Variants in MACROD2 observed in about 807,000 individuals in gnomAD.
MACROD2 encodes the protein mono-ADP ribosylhydrolase 2.
Under a neutral mutation model 70.4 loss-of-function variants are expected in MACROD2, and 36 were observed. The observed-to-expected ratio is 0.51, with a 90% confidence interval of 0.39 to 0.68. The LOEUF (loss-of-function observed/expected upper bound fraction) is 0.68. MACROD2 is among the 30% of genes least tolerant of loss of function. MACROD2 has a pLI of 0.00. For synonymous variants in MACROD2, 172 were observed against 178.8 expected, an observed-to-expected ratio of 0.96 and a Z score of 0.30; for missense variants, 496 against 538.4, an observed-to-expected ratio of 0.92 and a Z score of 0.78.
intron 2 of MACROD2, among the ~76,000 whole-genome samples, chr20:14,032,186 C>G (rs1173537456): frequency 6.6e-6 from 1 of 151,648 alleles, no homozygotes; most frequent in Admixed American, 6.6e-5. Flanking sequence ...TTTACTATAA[C>G]TTATTTAAAT....
At chr20:14,855,742 G>T (rs1259994327) in intron 5 of MACROD2, among the ~76,000 whole-genome samples, 1 of 150,346 alleles carries the variant, frequency 6.7e-6, no homozygotes, top group Non-Finnish European at 1.5e-5. Flanking sequence ...ACCCCTGATA[G>T]CATGAAACGA....
chr20:15,290,223 G>A (rs1477331127), intron 6 of MACROD2, among the ~76,000 whole-genome samples: 1 of 152,158 alleles, frequency 6.6e-6, no homozygotes, highest in African/African-American at 2.4e-5. Flanking sequence ...CCATGATGAT[G>A]TAATTTTCTC....
intron 5 of MACROD2, among the ~76,000 whole-genome samples, chr20:14,825,175 T>C (rs1015036922): frequency 6.6e-6 from 1 of 152,112 alleles, no homozygotes; most frequent in Non-Finnish European, 1.5e-5. Context: ...AGTCTGTTTT[T>C]TGAATTGAGA....
rs997865062 is a variant in MACROD2 at position 14,788,356 on chromosome 20, G to C, written c.418+103397G>C. Among the ~76,000 whole-genome samples, 14 of 151,856 alleles carry C rather than the reference G, an allele frequency of 9.2e-5. No homozygotes were observed. The South Asian group carries it at 2.9e-3, about 32-fold the overall frequency. Reference sequence around the variant, plus strand: ...TTCCAGCACTTTGGGAGGCCAAGGCGGGCGGATTGCTTGAGTCCAAGAGTT... The same window carrying C: ...TTCCAGCACTTTGGGAGGCCAAGGCCGGCGGATTGCTTGAGTCCAAGAGTT... On this transcript the variant is annotated intron_variant, in intron 5 of 17. Transcript: ENST00000684519.
intron 5 of MACROD2, among the ~76,000 whole-genome samples, chr20:14,994,636 G>A (rs989403548): frequency 6.6e-5 from 10 of 152,028 alleles, no homozygotes; most frequent in Non-Finnish European, 1.2e-4. Context: ...AAAAAGCAGA[G>A]TAGAGAAATA....
chr20:14,700,325 A>G (rs1355775076), intron 5 of MACROD2, among the ~76,000 whole-genome samples: 3 of 150,032 alleles, frequency 2.0e-5, no homozygotes, highest in African/African-American at 7.3e-5. Flanking sequence ...GTAGCATTAC[A>G]TTTCATGATA....
chr20:14,589,782 G>A (rs562066784), intron 4 of MACROD2, among the ~76,000 whole-genome samples: 5 of 152,262 alleles, frequency 3.3e-5, no homozygotes, highest in Admixed American at 6.5e-5. Flanking sequence ...AGAGAGAAAA[G>A]TTCTAACCCC....
intron 13 of MACROD2, among the ~76,000 whole-genome samples, chr20:15,976,009 C>A (rs1270753505): frequency 6.6e-6 from 1 of 152,040 alleles, no homozygotes; most frequent in Non-Finnish European, 1.5e-5. Context: ...TCAAGTTTAA[C>A]AAAAAGACAC....
At chr20:14,341,176 G>A (rs555091091) in intron 3 of MACROD2, among the ~76,000 whole-genome samples, 3 of 152,266 alleles carry the variant, frequency 2.0e-5, no homozygotes, top group African/African-American at 7.2e-5. Context: ...GACTCCCTGT[G>A]TAAAAGAAAC....
intron 3 of MACROD2, among the ~76,000 whole-genome samples, chr20:14,230,643 AT>A: frequency 1.5e-5 from 1 of 66,990 alleles, no homozygotes; most frequent in South Asian, 6.7e-4. Flanking sequence ...ATATATATAT[AT>A]ATATATATAT....
intron 5 of MACROD2, among the ~76,000 whole-genome samples, chr20:15,201,193 T>G (rs1859400757): frequency 1.3e-5 from 2 of 152,116 alleles, no homozygotes; most frequent in Non-Finnish European, 2.9e-5. Flanking sequence ...GTCTCTTAGG[T>G]TGTCTAGAAG....
At chr20:14,265,768 G>C (rs6042630) in intron 3 of MACROD2, among the ~76,000 whole-genome samples, 92,694 of 146,300 alleles carry the variant, frequency 0.63, 30,891 homozygotes, top group Non-Finnish European at 0.75. Flanking sequence ...CCTGTTCCCC[G>C]CCTTGTCCTT....
intron 3 of MACROD2, among the ~76,000 whole-genome samples, chr20:14,119,998 C>T (rs148216703): frequency 6.0e-4 from 91 of 152,022 alleles, no homozygotes; most frequent in Non-Finnish European, 1.1e-3. Flanking sequence ...CACTTGAAGT[C>T]GGGAGTTTAA....
At chr20:14,213,212 T>G (rs1320787593) in intron 3 of MACROD2, among the ~76,000 whole-genome samples, 2 of 151,798 alleles carry the variant, frequency 1.3e-5, no homozygotes, top group Admixed American at 6.6e-5. Context: ...TTGATATTTT[T>G]AAAACTCACT....
At chr20:15,741,944 T>C (rs2051112171) in intron 8 of MACROD2, among the ~76,000 whole-genome samples, 1 of 152,170 alleles carries the variant, frequency 6.6e-6, no homozygotes, top group Non-Finnish European at 1.5e-5. Flanking sequence ...GACTGGTTGA[T>C]TGATTTTGCC....
intron 3 of MACROD2, among the ~76,000 whole-genome samples, chr20:14,148,166 A>G (rs750383813): frequency 4.6e-5 from 7 of 152,188 alleles, no homozygotes; most frequent in Non-Finnish European, 8.8e-5. Context: ...TTTCAGTACT[A>G]CCACTGACTC....
At chr20:15,499,894 G>C (rs1165566991) in intron 8 of MACROD2, 47 bp downstream of exon 8, 1 of 1,569,878 alleles carries the variant, frequency 6.4e-7, no homozygotes, top group South Asian at 1.1e-5. Flanking sequence ...GATGTAATTT[G>C]ATGCTCAGTT....
chr20:14,367,664 G>A (rs2083284637), intron 3 of MACROD2, among the ~76,000 whole-genome samples: 1 of 152,168 alleles, frequency 6.6e-6, no homozygotes, highest in Admixed American at 6.5e-5. Context: ...TATGTTGGAT[G>A]AATTGCTTCT....
At position 15,794,044 on chromosome 20, in the gene MACROD2, A is replaced by T. The variant is rs553451224; in HGVS notation, c.646-68701A>T. 2.6e-5 allele frequency among the ~76,000 whole-genome samples: 4 copies of T among 151,758 alleles called. No homozygotes were observed. In the East Asian group the frequency reaches 7.7e-4, roughly 29 times the overall value. On this transcript the variant is annotated intron_variant, in intron 8 of 17. Transcript: ENST00000684519. ...CAGCATGCAACAGCTATCATAGAGA[A>T]CCACTTAAGATGACAGACAACATGG...
Sources: allele counts gnomAD v4.1 joint callset (sites outside exome capture counted in the v4.1 genomes callset), GRCh38; gene constraint gnomAD v4.1.1; transcripts MANE v1.5; gene names NCBI Gene and HGNC (gene_info 2026-07-23, HGNC 2026-07-21).